CBFA2T3: variants seen among roughly 807,000 people sequenced by gnomAD.
The protein encoded by CBFA2T3 is transcriptional corepressor CBFA2T3.
Under a neutral mutation model 58.6 loss-of-function variants are expected in CBFA2T3, and 31 were observed. The ratio of observed to expected loss-of-function variants is 0.53; its 90% CI spans 0.40 to 0.71. The LOEUF (loss-of-function observed/expected upper bound fraction) is 0.71, where lower values mean the gene tolerates loss of function less well. CBFA2T3 is among the 30% of genes least tolerant of loss of function. The probability of loss-of-function intolerance (pLI) is 0.00; values close to 1 mark genes in which losing one functional copy is unlikely to be tolerated. For missense variants in CBFA2T3, 1,076 were observed against 963.1 expected, an observed-to-expected ratio of 1.12 and a Z score of -1.55; for synonymous variants, 531 against 421.9, an observed-to-expected ratio of 1.26 and a Z score of -3.17.
At chr16:88,968,970 C>A (rs1338442057) in intron 1 of CBFA2T3, among the ~76,000 whole-genome samples, 1 of 152,198 alleles carries the variant, frequency 6.6e-6, no homozygotes, top group Admixed American at 6.5e-5. Flanking sequence ...GGGCCAGGAG[C>A]CTAAGATCTG....
intron 1 of CBFA2T3, among the ~76,000 whole-genome samples, chr16:88,967,577 G>C (rs1042127129): frequency 5.3e-5 from 8 of 152,148 alleles, no homozygotes; most frequent in African/African-American, 1.9e-4. Context: ...CCCCCAGGTG[G>C]GGTGGCCTTC....
intron 8 of CBFA2T3, among the ~76,000 whole-genome samples, chr16:88,882,398 TGTGTGG>T (rs1969128611): frequency 6.8e-6 from 1 of 147,938 alleles, no homozygotes; most frequent in African/African-American, 2.5e-5. Context: ...TATGGCTGTG[TGTGTGG>T]GTGTGGCTGT....
chr16:88,880,959 C>A (rs533882934), intron 9 of CBFA2T3, 171 bp from the exon 10 acceptor site: 3 of 685,492 alleles, frequency 4.4e-6, no homozygotes, highest in Non-Finnish European at 7.7e-6. Context: ...GGGCAGTGCC[C>A]GGGCACGGGG....
intron 1 of CBFA2T3, among the ~76,000 whole-genome samples, chr16:88,914,289 G>A (rs762982341): frequency 6.6e-6 from 1 of 152,248 alleles, no homozygotes; most frequent in African/African-American, 2.4e-5. Flanking sequence ...AGTGACCAGA[G>A]GGGGATCGGA....
At chr16:88,898,056 CG>C (rs752396820) in intron 3 of CBFA2T3, 21 bp downstream of exon 3, 2 of 1,576,190 alleles carry the variant, frequency 1.3e-6, no homozygotes, top group African/African-American at 2.7e-5. Context: ...GGGAGGCCTG[CG>C]GTTTTTGTTA....
intron 2 of CBFA2T3, among the ~76,000 whole-genome samples, 197 bp downstream of exon 2, chr16:88,901,307 C>A (rs566159900): frequency 6.6e-6 from 1 of 152,344 alleles, no homozygotes; most frequent in Non-Finnish European, 1.5e-5. Context: ...AAGGACATGA[C>A]CCGGAGCTAC....
intron 5 of CBFA2T3, among the ~76,000 whole-genome samples, chr16:88,889,228 C>G (rs1305034976): frequency 6.6e-6 from 1 of 150,436 alleles, no homozygotes; most frequent in Non-Finnish European, 1.5e-5. Flanking sequence ...AGAAGCTTCT[C>G]TTTTGTCACC....
chr16:88,961,291 A>G (rs1972347940), intron 1 of CBFA2T3, among the ~76,000 whole-genome samples: 2 of 152,150 alleles, frequency 1.3e-5, no homozygotes, highest in African/African-American at 4.8e-5. Context: ...ACAGCACTGG[A>G]GATTTCCACT....
At chr16:88,941,052 G>C (rs970334206) in intron 1 of CBFA2T3, 2 of 985,824 alleles carry the variant, frequency 2.0e-6, no homozygotes, top group East Asian at 2.3e-4. Context: ...GGCGGGCGGC[G>C]GACGGCGCAC....
intron 7 of CBFA2T3, chr16:88,884,833 C>G (rs1969291741): frequency 2.1e-6 from 1 of 473,092 alleles, no homozygotes; most frequent in Non-Finnish European, 3.7e-6. Context: ...GCCGCCCACC[C>G]CGGGGGGAGA....
chr16:88,911,654 G>A (rs1970535603), intron 1 of CBFA2T3, among the ~76,000 whole-genome samples: 1 of 152,278 alleles, frequency 6.6e-6, no homozygotes, highest in Non-Finnish European at 1.5e-5. Flanking sequence ...GAGGGACGAA[G>A]TACATGAGCT....
In CBFA2T3 at chr16:88,892,320, G is replaced by C. The variant is rs1311204348; in HGVS notation, c.545C>G (p.Thr182Ser). Residue 182 changes from threonine (T) to serine (S), a missense_variant, in exon 4 of 12, where the codon ACC (threonine) becomes AGC (serine). Coordinates refer to ENST00000268679, the MANE Select transcript of CBFA2T3 (RefSeq NM_005187.6). ...GTCGCTGCCAAACTGCTGCAGTGTG[G>C]TGAGGAAGCGCTTGAGCTTGCTGAG... ...RQLSKLKRFL[T>S]TLQQFGSDIS... is the part of the protein sequence containing the mutation. 2 of 1,613,112 alleles carry C rather than the reference G, an allele frequency of 1.2e-6. No individual in the cohort carries two copies. The highest frequency in any genetic ancestry group is 1.1e-5 in the South Asian group (1 of 91,064).
Position 88,901,876 on chromosome 16 carries a change from C to T in CBFA2T3, c.152-220G>A, listed in dbSNP as rs565231586. ...CTTGGGCCAGCTCATCTGAGGTGGC[C>T]GGCCAGGCTGGAGCTGGGGCCCTCG... On this transcript the variant is annotated intron_variant, in intron 1 of 11. Transcript: ENST00000268679. 3.9e-5 allele frequency among the ~76,000 whole-genome samples: 6 copies of T among 152,250 alleles called. No individual in the cohort carries two copies. The East Asian group carries it at 5.8e-4, about 15-fold the overall frequency.
At chr16:88,910,305 C>T (rs1276024714) in intron 1 of CBFA2T3, among the ~76,000 whole-genome samples, 3 of 152,182 alleles carry the variant, frequency 2.0e-5, no homozygotes, top group African/African-American at 7.2e-5. Flanking sequence ...GGCTCCCCTC[C>T]TGTCACCGGC....
chr16:88,899,322 TG>T (rs759086581), intron 2 of CBFA2T3, among the ~76,000 whole-genome samples: 57 of 151,452 alleles, frequency 3.8e-4, no homozygotes, highest in Non-Finnish European at 6.3e-4. Context: ...TTCACGGAAT[TG>T]TGTGGATTAG....
Position 88,885,969 on chromosome 16 carries a change from C to T in CBFA2T3, c.885G>A (p.Thr295=), listed in dbSNP as rs141057043. 1.6e-4 allele frequency: 247 copies of T among 1,549,052 alleles called. No individual in the cohort carries two copies. The African/African-American group carries it at 2.6e-3, about 16-fold the overall frequency. ...CCGGAGCCCACAGGTACCTGTCGGG[C>T]GTCCTCCTCTTGCCGTTCTCGTTGA... is the stretch of plus-strand genomic sequence containing the variant. ...LEVNENGKRR[T]PDRTKENGSD... The change falls in exon 6 of 12, where the codon ACG becomes ACA. Residue 295 remains threonine (T), a synonymous_variant. Coordinates refer to ENST00000268679, the MANE Select transcript of CBFA2T3 (RefSeq NM_005187.6). This position sits in a 1 kb window ranked among gnomAD's most constrained non-coding sequence, Gnocchi z 5.3.
intron 1 of CBFA2T3, among the ~76,000 whole-genome samples, chr16:88,923,872 G>A (rs1256393653): frequency 6.6e-6 from 1 of 152,230 alleles, no homozygotes; most frequent in African/African-American, 2.4e-5. Context: ...GGCCGGGGGA[G>A]GAGCCCAGTC....
At chr16:88,937,796 C>T (rs1001221999) in intron 1 of CBFA2T3, 1 of 152,304 alleles carries the variant, frequency 6.6e-6, no homozygotes, top group Non-Finnish European at 1.5e-5. Context: ...CACTGGAGGA[C>T]AGGCACTTTT....
chr16:88,879,161 G>C lies in CBFA2T3; in HGVS notation c.1662+109C>G, dbSNP rs573933782. ...GGCGTGCCTGCTGCAGGATGCCCGTGACAACTGTGCTGATGCCACGTGGAG... is the reference window on the plus strand; with the variant it reads ...GGCGTGCCTGCTGCAGGATGCCCGTCACAACTGTGCTGATGCCACGTGGAG... On this transcript the variant is annotated intron_variant, in intron 11 of 11. Coordinates refer to ENST00000268679, the MANE Select transcript of CBFA2T3 (RefSeq NM_005187.6). The C allele has an allele frequency of 5.8e-5, 55 of 950,024 alleles. 1 individual carries two copies. In the South Asian group the frequency reaches 8.1e-4, roughly 14 times the overall value. 58.8% of individuals were successfully genotyped at this position (950,024 alleles called of 1,614,324 possible).
Sources: gnomAD v4.1 joint callset for allele counts (sites outside exome capture counted in the v4.1 genomes callset) on GRCh38, gnomAD v4.1.1 for gene constraint, Gnocchi (gnomAD v3.1) non-coding constraint, MANE v1.5 for transcripts, NCBI Gene and HGNC (gene_info 2026-07-23, HGNC 2026-07-21) for gene names.